BBS9: variants seen among roughly 807,000 people sequenced by gnomAD.
BBS9 encodes Bardet-Biedl syndrome 9.
Under a neutral mutation model 117.7 loss-of-function variants are expected in BBS9, and 89 were observed. The ratio of observed to expected loss-of-function variants is 0.76; its 90% CI spans 0.64 to 0.90. The LOEUF (loss-of-function observed/expected upper bound fraction) is 0.90, where lower values mean the gene tolerates loss of function less well. Among genes scored for constraint, BBS9 ranks in the 40% least tolerant of loss-of-function variants. The pLI, the probability that BBS9 is intolerant of heterozygous loss-of-function variation, is 0.00. For synonymous variants in BBS9, 379 were observed against 370.9 expected (o/e 1.02, Z -0.25); for missense variants, 982 against 1,042.2 (o/e 0.94, Z 0.80).
Position 33,403,372 on chromosome 7 carries a change from A to T in BBS9, c.2115+15228A>T, listed in dbSNP as rs1197651568. Among the ~76,000 whole-genome samples the T allele has an allele frequency of 2.7e-5, 4 of 149,512 alleles. No homozygotes were observed. In the Admixed American group the frequency reaches 2.7e-4, roughly 10 times the overall value. ...GGTACATGTGCACAATGTGCAGGTTAGTTACATATGTATACATGTGCCATG... is the reference window on the plus strand; with the variant it reads ...GGTACATGTGCACAATGTGCAGGTTTGTTACATATGTATACATGTGCCATG... On this transcript the variant is annotated intron_variant, in intron 19 of 22. Transcript: ENST00000242067.
At chr7:33,296,233 T>C (rs1805250310) in intron 9 of BBS9, among the ~76,000 whole-genome samples, 1 of 152,180 alleles carries the variant, frequency 6.6e-6, no homozygotes. Flanking sequence ...AGACTCCTGA[T>C]AGTTATTTTC....
chr7:33,479,129 T>C (rs1222372109), intron 19 of BBS9, among the ~76,000 whole-genome samples: 2 of 152,170 alleles, frequency 1.3e-5, no homozygotes, highest in African/African-American at 2.4e-5. Context: ...AGGGTGTACA[T>C]GTGCAGATTT....
intron 5 of BBS9, among the ~76,000 whole-genome samples, chr7:33,196,434 G>T (rs17170104): frequency 0.085 from 12,945 of 152,218 alleles, 589 homozygotes; most frequent in South Asian, 0.14. Flanking sequence ...TGCTCAGCTG[G>T]GGTGAATGAA....
intron 21 of BBS9, among the ~76,000 whole-genome samples, chr7:33,551,004 TG>T (rs1440366390): frequency 2.0e-5 from 3 of 152,210 alleles, no homozygotes; most frequent in Non-Finnish European, 4.4e-5. Context: ...CAGTGTCATG[TG>T]GAAAATGTTA....
At chr7:33,559,051 C>T (rs1855704794) in intron 21 of BBS9, among the ~76,000 whole-genome samples, 1 of 152,156 alleles carries the variant, frequency 6.6e-6, no homozygotes, top group Non-Finnish European at 1.5e-5. Context: ...GTGTTGAAAC[C>T]ATTAAATTTT....
chr7:33,171,606 A>G (rs1796586192), intron 4 of BBS9, among the ~76,000 whole-genome samples: 1 of 152,134 alleles, frequency 6.6e-6, no homozygotes, highest in Non-Finnish European at 1.5e-5. Flanking sequence ...TTTTAGAAAG[A>G]TTTTTCTTCA....
In BBS9 at chr7:33,357,902, A is replaced by C; in HGVS notation, c.1600A>C (p.Ile534Leu). The stretch of plus-strand genomic sequence containing the variant: ...TAAATTTAGACTTCCCCTAAAGTTA[A>C]TTTGCCTACCAGGTCAGCCTTCAAA... ...QCKFRLPLKLICLPGQPSKTA... is the reference protein window; with the variant it reads ...QCKFRLPLKLLCLPGQPSKTA... The change falls in exon 16 of 23, where the codon ATT (isoleucine) becomes CTT (leucine). Residue 534 changes from isoleucine to leucine, a missense_variant. Physicochemically the swap from Ile to Leu is conservative, Grantham distance 5. Transcript: ENST00000242067. 1 of 1,612,180 alleles carries C rather than the reference A, an allele frequency of 6.2e-7. No individual in the cohort carries two copies. Among genetic ancestry groups the C allele is most frequent in the African/African-American group, 1.3e-5 (1 of 74,958 alleles).
chr7:33,220,474 G>A (rs1482582903), intron 5 of BBS9, among the ~76,000 whole-genome samples: 1 of 152,190 alleles, frequency 6.6e-6, no homozygotes, highest in Non-Finnish European at 1.5e-5. Context: ...GTGTCCTATT[G>A]TGGTCAGACT....
intron 19 of BBS9, among the ~76,000 whole-genome samples, chr7:33,462,802 T>C (rs1187805049): frequency 1.3e-5 from 2 of 152,000 alleles, no homozygotes; most frequent in Non-Finnish European, 2.9e-5. Context: ...AGGACACATG[T>C]TGGATGGGCA....
At chr7:33,367,887 C>T (rs1161063212) in intron 17 of BBS9, 25 bp downstream of exon 17, 23 of 1,598,534 alleles carry the variant, frequency 1.4e-5, no homozygotes, top group Non-Finnish European at 2.0e-5. Context: ...GTTATCATTG[C>T]TTTTTAAATT....
chr7:33,153,503 T>A (rs1793662608), intron 3 of BBS9, among the ~76,000 whole-genome samples: 1 of 152,254 alleles, frequency 6.6e-6, no homozygotes, highest in Non-Finnish European at 1.5e-5. Context: ...AGAAGTACGA[T>A]GAACACTTAT....
chr7:33,459,921 C>G (rs1433674799), intron 19 of BBS9, among the ~76,000 whole-genome samples: 1 of 151,990 alleles, frequency 6.6e-6, no homozygotes, highest in Non-Finnish European at 1.5e-5. Flanking sequence ...TCTAATTACC[C>G]AAGTAATATT....
chr7:33,408,555 G>A (rs1830517555), intron 19 of BBS9, among the ~76,000 whole-genome samples: 1 of 152,184 alleles, frequency 6.6e-6, no homozygotes, highest in African/African-American at 2.4e-5. Context: ...CTGTAGACTG[G>A]AGCTGTTCCT....
chr7:33,433,389 A>C (rs1439720666), intron 19 of BBS9, among the ~76,000 whole-genome samples: 1 of 152,180 alleles, frequency 6.6e-6, no homozygotes, highest in South Asian at 2.1e-4. Context: ...CTGATTTTGC[A>C]TTGTTTTGGC....
intron 19 of BBS9, among the ~76,000 whole-genome samples, chr7:33,469,258 T>C (rs1244996712): frequency 6.6e-6 from 1 of 152,190 alleles, no homozygotes; most frequent in African/African-American, 2.4e-5. Context: ...TAAAAGATTG[T>C]CCATGTCTGG....
At chr7:33,383,891 A>G in intron 18 of BBS9, 53 bp downstream of exon 18, 1 of 1,554,406 alleles carries the variant, frequency 6.4e-7, no homozygotes, top group East Asian at 2.2e-5. Flanking sequence ...TATGAAAGAG[A>G]AATAGATGCT....
intron 5 of BBS9, among the ~76,000 whole-genome samples, chr7:33,245,368 T>C (rs1298677794): frequency 6.6e-6 from 1 of 152,162 alleles, no homozygotes; most frequent in Non-Finnish European, 1.5e-5. Context: ...AGGCATACAA[T>C]GAGTACTTAG....
intron 19 of BBS9, among the ~76,000 whole-genome samples, chr7:33,461,360 C>T (rs1373778499): frequency 1.3e-5 from 2 of 151,972 alleles, no homozygotes; most frequent in Non-Finnish European, 2.9e-5. Context: ...ACTTTATGTT[C>T]ATTATCAAAA....
intron 5 of BBS9, among the ~76,000 whole-genome samples, chr7:33,190,239 C>A (rs977295912): frequency 1.3e-5 from 2 of 151,764 alleles, no homozygotes; most frequent in Admixed American, 6.6e-5. Context: ...CCTGCCTCAG[C>A]CTCCTGAGCA....
Sources: gnomAD v4.1 joint callset for allele counts (sites outside exome capture counted in the v4.1 genomes callset) on GRCh38, gnomAD v4.1.1 for gene constraint, MANE v1.5 for transcripts, NCBI Gene and HGNC (gene_info 2026-07-23, HGNC 2026-07-21) for gene names.